The following ATP10B variants were observed in gnomAD, a reference collection of about 807,000 sequenced individuals.
The protein encoded by ATP10B is ATPase phospholipid transporting 10B (putative).
Under a neutral mutation model 141.2 loss-of-function variants are expected in ATP10B, and 122 were observed. The observed-to-expected ratio is 0.86, with a 90% CI of 0.75 to 1.00. The LOEUF (loss-of-function observed/expected upper bound fraction) is 1.00. Ranked by LOEUF, ATP10B falls within the 50% of genes least tolerant of loss-of-function variation. The pLI is 0.00. For synonymous variants in ATP10B, 685 were observed against 692.0 expected (o/e 0.99, Z 0.16); for missense variants, 1,876 against 1,825.3 (o/e 1.03, Z -0.51).
At chr5:160,783,446 C>CATATATATATAT (rs368913170) in intron 2 of ATP10B, among the ~76,000 whole-genome samples, 1 of 120,582 alleles carries the variant, frequency 8.3e-6, no homozygotes, top group Non-Finnish European at 1.7e-5. Flanking sequence ...ATATCCATCA[C>CATATATATATAT]ATATATATAT....
chr5:160,589,778 A>G (rs1756157841), intron 23 of ATP10B, 82 bp from the exon 24 acceptor site: 14 of 1,020,442 alleles, frequency 1.4e-5, no homozygotes, highest in East Asian at 7.3e-5. Flanking sequence ...TAAAGCATCA[A>G]TGAAGGCAGT....
chr5:160,889,257 TA>T, the ATP10B span, among the ~76,000 whole-genome samples: 1 of 152,150 alleles, frequency 6.6e-6, no homozygotes, highest in African/African-American at 2.4e-5. Context: ...CCCTTTGACA[TA>T]CGAGGGTTTA....
Position 160,607,034 on chromosome 5 carries a change from C to G in ATP10B, c.2891G>C (p.Arg964Pro), listed in dbSNP as rs201819244. Residue 964 changes from arginine (R) to proline (P), a missense_variant, in exon 19 of 26, where the codon CGT becomes CCT. Physicochemically the swap from Arg to Pro is moderately radical, Grantham distance 103. Transcript: ENST00000327245. ...NCALEELKQF[R>P]ELQKPDRKLF... is the part of the protein sequence containing the mutation. ...CTTGCGGTCTGGCTTCTGTAGTTCA[C>G]GAAATTGCTTTAGCTCTTCCAATGC... The G allele has an allele frequency of 2.1e-4, 346 of 1,613,958 alleles. No homozygotes were observed. In the Middle Eastern group the frequency reaches 3.5e-3, roughly 16 times the overall value.
chr5:160,880,618 A>T, the ATP10B span, among the ~76,000 whole-genome samples: 11 of 152,200 alleles, frequency 7.2e-5, no homozygotes, highest in African/African-American at 2.7e-4. Context: ...GAGACCAGAA[A>T]TAGAACCACA....
intron 7 of ATP10B, among the ~76,000 whole-genome samples, chr5:160,655,111 C>T (rs1031356654): frequency 5.9e-5 from 9 of 152,124 alleles, no homozygotes; most frequent in Admixed American, 5.9e-4. Context: ...TGAATGAATA[C>T]ATTCTCTAAT....
At chr5:160,705,504 T>A (rs1405073486) in intron 3 of ATP10B, among the ~76,000 whole-genome samples, 1 of 152,146 alleles carries the variant, frequency 6.6e-6, no homozygotes, top group East Asian at 1.9e-4. Flanking sequence ...TGATTACAAT[T>A]GGGATTACAA....
At chr5:160,727,181 C>G (rs995346782) in intron 2 of ATP10B, among the ~76,000 whole-genome samples, 1 of 152,150 alleles carries the variant, frequency 6.6e-6, no homozygotes, top group African/African-American at 2.4e-5. Context: ...TCTGAGTTTA[C>G]GGTACCTGCT....
intron 1 of ATP10B, among the ~76,000 whole-genome samples, chr5:160,823,870 G>A (rs931467170): frequency 4.0e-5 from 6 of 151,882 alleles, no homozygotes; most frequent in African/African-American, 7.3e-5. Flanking sequence ...CATATAGCCC[G>A]TAAATATATA....
chr5:160,788,555 T>G (rs1771337421), intron 1 of ATP10B, among the ~76,000 whole-genome samples: 1 of 152,186 alleles, frequency 6.6e-6, no homozygotes, highest in Non-Finnish European at 1.5e-5. Flanking sequence ...ATAATTAACT[T>G]TCCTGTTCTA....
chr5:160,687,049 TC>T, intron 5 of ATP10B: 2 of 718,624 alleles, frequency 2.8e-6, no homozygotes, highest in Non-Finnish European at 3.4e-6. Context: ...CTGACTTCTG[TC>T]CATCCCTTTT....
chr5:160,887,221 A>T, the ATP10B span, among the ~76,000 whole-genome samples: 8 of 152,316 alleles, frequency 5.3e-5, no homozygotes, highest in South Asian at 1.0e-3. Flanking sequence ...TCCTTGATAT[A>T]AAATGGTACA....
rs6892278 is a variant in ATP10B, at chr5:160,612,669, C to A, written c.2838+72G>T. On this transcript the variant is annotated intron_variant, in intron 18 of 25. Coordinates refer to ENST00000327245, the MANE Select transcript of ATP10B (RefSeq NM_025153.3). ...GTGTACCCAAATCCCACCTAGAAGC[C>A]TGTGTCCTCTTGGTTGAGGGGTTGC... 6,359 of 1,390,074 alleles carry A rather than the reference C, an allele frequency of 4.6e-3. 205 individuals are homozygous for A. The African/African-American group carries it at 0.078, about 17-fold the overall frequency. 86.1% of individuals were successfully genotyped at this position (1,390,074 alleles called of 1,614,324 possible).
chr5:160,830,970 AAC>A lies in ATP10B; in HGVS notation c.-576+20969_-576+20970del, dbSNP rs779765993. The stretch of plus-strand genomic sequence containing the variant: ...TCTCTCTCTCTCTCATACATACACA[AAC>A]ACACACACACACACACACACACACA... On this transcript the variant is annotated intron_variant, in intron 1 of 25. Transcript: ENST00000327245. 2.1e-3 allele frequency among the ~76,000 whole-genome samples: 151 copies of A among 70,486 alleles called. 1 individual carries two copies. The highest frequency in any genetic ancestry group is 4.7e-3 in the African/African-American group (116 of 24,558). The allele number at this position is 70,486 out of a possible 152,430, so 46.2% of individuals were successfully genotyped here.
At chr5:160,899,797 G>T in the ATP10B span, among the ~76,000 whole-genome samples, 3 of 152,170 alleles carry the variant, frequency 2.0e-5, no homozygotes, top group South Asian at 4.1e-4. Flanking sequence ...CAGGATCTAA[G>T]CTCCTGTCAG....
At chr5:160,704,530 C>T (rs563940055) in intron 3 of ATP10B, among the ~76,000 whole-genome samples, 11 of 152,114 alleles carry the variant, frequency 7.2e-5, no homozygotes, top group Admixed American at 7.2e-4. Context: ...TTCTTAAAGA[C>T]CCTAGGATTT....
the ATP10B span, among the ~76,000 whole-genome samples, chr5:160,912,004 C>G: frequency 6.6e-6 from 1 of 152,034 alleles, no homozygotes; most frequent in Non-Finnish European, 1.5e-5. Flanking sequence ...TGTGTAAAGA[C>G]TTAAGAAGAC....
chr5:160,805,684 G>T (rs951868633), intron 1 of ATP10B, among the ~76,000 whole-genome samples: 1 of 152,132 alleles, frequency 6.6e-6, no homozygotes, highest in African/African-American at 2.4e-5. Flanking sequence ...TACACGGTGT[G>T]GGCAGTGGCC....
In ATP10B at chr5:160,785,722, G is replaced by A. The variant is rs1771095861; in HGVS notation, c.-494C>T. Reference sequence around the variant, plus strand: ...CTCCACTGAGTGAGATGAATAATAGGAAAAACTACTTACTCTTCACACTGT... The same window carrying A: ...CTCCACTGAGTGAGATGAATAATAGAAAAAACTACTTACTCTTCACACTGT... On this transcript the variant is annotated 5_prime_UTR_variant, in exon 2 of 26. Coordinates refer to ENST00000327245, the MANE Select transcript of ATP10B (RefSeq NM_025153.3). 8.7e-6 allele frequency: 11 copies of A among 1,271,416 alleles called. No homozygotes were observed. The South Asian group carries it at 1.2e-4, about 13-fold the overall frequency. The allele number at this position is 1,271,416 out of a possible 1,614,324, so 78.8% of individuals were successfully genotyped here.
intron 1 of ATP10B, among the ~76,000 whole-genome samples, chr5:160,817,947 T>C (rs1041989459): frequency 6.6e-6 from 1 of 152,240 alleles, no homozygotes; most frequent in Non-Finnish European, 1.5e-5. Flanking sequence ...GCTAGCCATA[T>C]GTAGGAAGCT....
Sources: allele counts gnomAD v4.1 joint callset (sites outside exome capture counted in the v4.1 genomes callset), GRCh38; gene constraint gnomAD v4.1.1; transcripts MANE v1.5; gene names NCBI Gene and HGNC (gene_info 2026-07-23, HGNC 2026-07-21).